Variants in CADM2 observed in about 807,000 individuals in gnomAD.
CADM2 encodes the protein immunoglobulin superfamily member 4D.
CADM2 carries 12 observed loss-of-function variants against 49.8 expected under a neutral mutation model. That is an observed-to-expected ratio of 0.24 (90% CI 0.15 to 0.39). The LOEUF (loss-of-function observed/expected upper bound fraction) is 0.39. Among genes scored for constraint, CADM2 ranks in the 10% least tolerant of loss-of-function variants. The pLI is 1.00. For synonymous variants in CADM2, 214 were observed against 175.4 expected (o/e 1.22, Z -1.74); for missense variants, 378 against 492.3 (o/e 0.77, Z 2.20).
chr3:85,135,072 A>G lies in CADM2; in HGVS notation c.61+175404A>G, dbSNP rs1006480553. ...TCTCTGATAAAAATTATTTTTATTC[A>G]TAAGTAAATATAAATGTGTATATAA... On this transcript the variant is annotated intron_variant, in intron 1 of 9. Transcript: ENST00000383699. Among the ~76,000 whole-genome samples the G allele has an allele frequency of 4.6e-5, 7 of 152,116 alleles. No individual in the cohort carries two copies. In the East Asian group the frequency reaches 1.4e-3, roughly 29 times the overall value.
rs1410676368 is a variant in CADM2 at position 86,067,329 on chromosome 3, C to T, written c.*546C>T. 2 of 152,520 alleles carry T rather than the reference C, an allele frequency of 1.3e-5. No individual in the cohort carries two copies. Among genetic ancestry groups the T allele is most frequent in the Non-Finnish European group, 2.9e-5 (2 of 68,076 alleles). 9.4% of individuals were successfully genotyped at this position (152,520 alleles called of 1,614,324 possible). On this transcript the variant is annotated 3_prime_UTR_variant, in exon 10 of 10. Coordinates refer to ENST00000383699, the MANE Select transcript of CADM2 (RefSeq NM_001167675.2). Reference sequence around the variant, plus strand: ...TAGAAAACATAAAATTAAAAAAAAACACTATAGTGTAGTTTTTGGAATGTT... The same window carrying T: ...TAGAAAACATAAAATTAAAAAAAAATACTATAGTGTAGTTTTTGGAATGTT...
intron 1 of CADM2, among the ~76,000 whole-genome samples, chr3:84,984,602 A>G (rs1389886509): frequency 6.6e-6 from 1 of 151,264 alleles, no homozygotes; most frequent in Non-Finnish European, 1.5e-5. Flanking sequence ...CCTTAAAAAA[A>G]GAAAAAAAAA....
chr3:85,353,057 T>C (rs565666618), intron 1 of CADM2, among the ~76,000 whole-genome samples: 6 of 152,316 alleles, frequency 3.9e-5, no homozygotes, highest in Non-Finnish European at 5.9e-5. Flanking sequence ...TCACTTGATC[T>C]GTAGAGTGAG....
chr3:86,004,359 G>A (rs560054091), intron 8 of CADM2, among the ~76,000 whole-genome samples: 2 of 152,224 alleles, frequency 1.3e-5, no homozygotes, highest in South Asian at 4.2e-4. Flanking sequence ...AACTATCACA[G>A]GATAGTAGCT....
chr3:85,120,902 T>A (rs1434994270), intron 1 of CADM2, among the ~76,000 whole-genome samples: 1 of 152,290 alleles, frequency 6.6e-6, no homozygotes, highest in South Asian at 2.1e-4. Flanking sequence ...CGACAAATCT[T>A]CATTGTAATA....
chr3:85,174,723 A>G (rs2040730145), intron 1 of CADM2, among the ~76,000 whole-genome samples: 1 of 152,128 alleles, frequency 6.6e-6, no homozygotes, highest in Non-Finnish European at 1.5e-5. Context: ...TAACATTGGC[A>G]TAAGAGTTGG....
intron 8 of CADM2, among the ~76,000 whole-genome samples, chr3:85,981,679 A>G (rs188149726): frequency 2.0e-5 from 3 of 151,748 alleles, no homozygotes; most frequent in East Asian, 1.9e-4. Flanking sequence ...GCTGCAAAGG[A>G]TATGATCTCA....
At chr3:85,264,155 A>G (rs1489115010) in intron 1 of CADM2, among the ~76,000 whole-genome samples, 1 of 152,050 alleles carries the variant, frequency 6.6e-6, no homozygotes, top group Non-Finnish European at 1.5e-5. Context: ...GACAAGTGGC[A>G]TTTCTTTTGT....
At chr3:86,039,091 G>T (rs1735518659) in intron 8 of CADM2, among the ~76,000 whole-genome samples, 1 of 152,142 alleles carries the variant, frequency 6.6e-6, no homozygotes, top group Admixed American at 6.5e-5. Context: ...AGGGGGTGGA[G>T]CCAAGATGGC....
chr3:85,067,279 CTGTGTGTGTG>C (rs5850663), intron 1 of CADM2, among the ~76,000 whole-genome samples: 1 of 150,840 alleles, frequency 6.6e-6, no homozygotes, highest in South Asian at 2.1e-4. Context: ...TCTAATTAAA[CTGTGTGTGTG>C]TGTGTTTGTG....
intron 1 of CADM2, among the ~76,000 whole-genome samples, chr3:85,421,061 A>G (rs1344209609): frequency 6.6e-6 from 1 of 152,160 alleles, no homozygotes; most frequent in Non-Finnish European, 1.5e-5. Context: ...TAATATTTTA[A>G]ACTTAGTGAT....
intron 2 of CADM2, among the ~76,000 whole-genome samples, chr3:85,796,154 T>C (rs891645209): frequency 2.0e-5 from 3 of 152,212 alleles, no homozygotes; most frequent in Admixed American, 2.0e-4. Context: ...ACCATGTATA[T>C]TTTTATTAGC....
chr3:85,571,061 C>T (rs947877979), intron 1 of CADM2, among the ~76,000 whole-genome samples: 6 of 152,026 alleles, frequency 3.9e-5, no homozygotes, highest in Admixed American at 3.9e-4. Flanking sequence ...CGCTGATGGG[C>T]GGGTCTATTT....
At chr3:84,977,094 C>T (rs555852234) in intron 1 of CADM2, among the ~76,000 whole-genome samples, 21 of 151,880 alleles carry the variant, frequency 1.4e-4, no homozygotes, top group African/African-American at 5.1e-4. Context: ...AGAATAAAAG[C>T]AATAGGATAA....
At chr3:86,020,198 A>G (rs1732941827) in intron 8 of CADM2, among the ~76,000 whole-genome samples, 2 of 152,164 alleles carry the variant, frequency 1.3e-5, no homozygotes, top group Admixed American at 6.5e-5. Context: ...ATCAGAGAAT[A>G]CTACAAACAC....
At chr3:85,855,618 A>ATATATATAT (rs2075284178) in intron 3 of CADM2, among the ~76,000 whole-genome samples, 5 of 36,768 alleles carry the variant, frequency 1.4e-4, no homozygotes, top group African/African-American at 5.0e-4. Context: ...TATATATATA[A>ATATATATAT]AACATATATA....
At chr3:85,815,904 A>T (rs1190633330) in intron 3 of CADM2, among the ~76,000 whole-genome samples, 1 of 152,188 alleles carries the variant, frequency 6.6e-6, no homozygotes, top group Non-Finnish European at 1.5e-5. Context: ...AAAGTTCAGG[A>T]TACAAAATAT....
intron 1 of CADM2, among the ~76,000 whole-genome samples, chr3:85,507,619 A>G (rs1388361974): frequency 6.6e-6 from 1 of 152,178 alleles, no homozygotes; most frequent in Admixed American, 6.5e-5. Context: ...TCATTTCTTC[A>G]AGGAATATAA....
chr3:85,576,500 T>C (rs929679931), intron 1 of CADM2, among the ~76,000 whole-genome samples: 1 of 152,176 alleles, frequency 6.6e-6, no homozygotes, highest in Non-Finnish European at 1.5e-5. Flanking sequence ...CTTAAAAATG[T>C]TGAGATTCCA....
Sources: gnomAD v4.1 joint callset for allele counts (sites outside exome capture counted in the v4.1 genomes callset) on GRCh38, gnomAD v4.1.1 for gene constraint, MANE v1.5 for transcripts, NCBI Gene and HGNC (gene_info 2026-07-23, HGNC 2026-07-21) for gene names.